ILRUN: variants seen among roughly 807,000 people sequenced by gnomAD.
The protein encoded by ILRUN is inflammation and lipid regulator with UBA-like and NBR1-like domains, also known as protein ILRUN.
Under a neutral mutation model 33.8 loss-of-function variants are expected in ILRUN, and 3 were observed. That is an observed-to-expected ratio of 0.09 (90% CI 0.04 to 0.23). ILRUN has a LOEUF of 0.23. Ranked by LOEUF, ILRUN falls within the 10% of genes least tolerant of loss-of-function variation. The probability of loss-of-function intolerance (pLI) is 1.00; values close to 1 mark genes in which losing one functional copy is unlikely to be tolerated. For missense variants in ILRUN, 210 were observed against 375.1 expected (o/e 0.56, Z 3.64); for synonymous variants, 124 against 138.9 (o/e 0.89, Z 0.75).
intron 4 of ILRUN, among the ~76,000 whole-genome samples, chr6:34,593,811 G>A (rs1256237186): frequency 6.6e-6 from 1 of 152,134 alleles, no homozygotes; most frequent in Non-Finnish European, 1.5e-5. Context: ...CCCACACACA[G>A]TATCATAGGT....
chr6:34,689,490 A>C (rs1204912300), intron 1 of ILRUN, among the ~76,000 whole-genome samples: 1 of 152,210 alleles, frequency 6.6e-6, no homozygotes, highest in East Asian at 1.9e-4. Flanking sequence ...ATACTCTATC[A>C]CTGTTATGTA....
At chr6:34,656,235 C>CAAAAA (rs562655955) in intron 1 of ILRUN, among the ~76,000 whole-genome samples, 2 of 61,814 alleles carry the variant, frequency 3.2e-5, no homozygotes, top group African/African-American at 5.6e-5. Context: ...GACTCCGTCT[C>CAAAAA]AAAAAAAAAA....
intron 1 of ILRUN, among the ~76,000 whole-genome samples, chr6:34,658,325 G>A (rs560809392): frequency 6.8e-6 from 1 of 147,156 alleles, no homozygotes; most frequent in African/African-American, 2.6e-5. Context: ...TCTGACCTAG[G>A]CAACAAAGTG....
chr6:34,637,083 A>T (rs1273935247), intron 3 of ILRUN, among the ~76,000 whole-genome samples: 1 of 152,184 alleles, frequency 6.6e-6, no homozygotes, highest in East Asian at 1.9e-4. Flanking sequence ...AAGGAAAGTA[A>T]TCATTAAACC....
intron 2 of ILRUN, among the ~76,000 whole-genome samples, chr6:34,650,922 TC>T (rs1674338958): frequency 6.6e-6 from 1 of 152,126 alleles, no homozygotes; most frequent in Non-Finnish European, 1.5e-5. Flanking sequence ...TGTAGCTCTT[TC>T]AGTGAGTGCT....
chr6:34,683,477 T>TATAC (rs1763437432), intron 1 of ILRUN, among the ~76,000 whole-genome samples: 1 of 102,224 alleles, frequency 9.8e-6, no homozygotes, highest in African/African-American at 4.9e-5. Context: ...TATATACACA[T>TATAC]ATATATATAC....
Position 34,606,608 on chromosome 6 carries a change from T to A in ILRUN, c.808A>T (p.Asn270Tyr). The A allele has an allele frequency of 6.2e-7, 1 of 1,614,182 alleles. No individual in the cohort carries two copies. The highest frequency in any genetic ancestry group is 8.5e-7 in the Non-Finnish European group (1 of 1,180,020). ...TTTGCGTGACTGCTGGGAGACAGAT[T>A]TACAGAGTTCTGTGACAGTCTATTC... The part of the protein sequence containing the change: ...DQNRLSQNSV[N>Y]LSPSSHANNL... Residue 270 changes from asparagine (N) to tyrosine (Y), a missense_variant, in exon 4 of 5, where the codon AAT becomes TAT. By Grantham distance (143) the Asn-to-Tyr change is moderately radical. Around this residue, in one of 4 missense-constraint regions of ILRUN, gnomAD observed 81 missense variants for 97.0 expected, o/e 0.84. Coordinates refer to ENST00000374023, the MANE Select transcript of ILRUN (RefSeq NM_024294.4).
chr6:34,601,209 A>G (rs1249995663), intron 4 of ILRUN, among the ~76,000 whole-genome samples: 1 of 152,200 alleles, frequency 6.6e-6, no homozygotes, highest in Non-Finnish European at 1.5e-5. Context: ...AATAACAAAA[A>G]TTAAATTTAA....
In ILRUN at chr6:34,606,744, T is replaced by C. The variant is rs777757738; in HGVS notation, c.672A>G (p.Glu224=). The change falls in exon 4 of 5, where the codon GAA becomes GAG. Residue 224 remains glutamate, a synonymous_variant. Coordinates refer to ENST00000374023, the MANE Select transcript of ILRUN (RefSeq NM_024294.4). ...AGCCCCCAGGGTCTTTTAAGTTGTT[T>C]TCATCTGATTGTCGGTTCTTTTGGG... ...ASPQKNRQSD[E]NNLKDPGGSE... 1.2e-6 allele frequency: 2 copies of C among 1,614,178 alleles called. No homozygotes were observed. Among genetic ancestry groups the C allele is most frequent in the Non-Finnish European group, 1.7e-6 (2 of 1,180,042 alleles).
At chr6:34,604,754 C>G (rs1409165260) in intron 4 of ILRUN, among the ~76,000 whole-genome samples, 2 of 152,218 alleles carry the variant, frequency 1.3e-5, no homozygotes, top group African/African-American at 2.4e-5. Flanking sequence ...GCAATTTACT[C>G]TCTTGCCAAT....
chr6:34,681,923 G>A (rs1763366273), intron 1 of ILRUN, among the ~76,000 whole-genome samples: 1 of 139,936 alleles, frequency 7.1e-6, no homozygotes, highest in Non-Finnish European at 1.5e-5. Context: ...TGCGACCTCA[G>A]CTCACTGCAA....
chr6:34,682,281 A>C (rs1218283014), intron 1 of ILRUN, among the ~76,000 whole-genome samples: 2 of 83,206 alleles, frequency 2.4e-5, no homozygotes, highest in Non-Finnish European at 4.2e-5. Flanking sequence ...TTTTTTTGAG[A>C]CAGTCTCGCT....
At chr6:34,671,510 TATAATATA>T in intron 1 of ILRUN, among the ~76,000 whole-genome samples, 1 of 152,256 alleles carries the variant, frequency 6.6e-6, no homozygotes, top group East Asian at 1.9e-4. Flanking sequence ...AAGTTATCTG[TATAATATA>T]TGTGGCAATA....
intron 1 of ILRUN, among the ~76,000 whole-genome samples, chr6:34,683,213 C>T (rs1377674015): frequency 2.0e-5 from 3 of 150,822 alleles, no homozygotes; most frequent in Non-Finnish European, 4.4e-5. Flanking sequence ...TATATATGAA[C>T]AGCCTATCCA....
intron 3 of ILRUN, among the ~76,000 whole-genome samples, chr6:34,609,817 C>G (rs1761710621): frequency 6.6e-6 from 1 of 152,114 alleles, no homozygotes; most frequent in Non-Finnish European, 1.5e-5. Context: ...AGCAGCAGCA[C>G]TAGTATGACT....
At chr6:34,598,850 T>A (rs555080508) in intron 4 of ILRUN, among the ~76,000 whole-genome samples, 1 of 152,250 alleles carries the variant, frequency 6.6e-6, no homozygotes, top group Non-Finnish European at 1.5e-5. Context: ...CTGCGAGGAC[T>A]TTACTGGCTC....
At chr6:34,661,390 G>A (rs1762883616) in intron 1 of ILRUN, among the ~76,000 whole-genome samples, 1 of 152,146 alleles carries the variant, frequency 6.6e-6, no homozygotes, top group African/African-American at 2.4e-5. Flanking sequence ...GTAGGCACAA[G>A]GCTATACACT....
chr6:34,619,985 CAAAA>C (rs1216649224), intron 3 of ILRUN, among the ~76,000 whole-genome samples: 1 of 75,920 alleles, frequency 1.3e-5, no homozygotes. Context: ...ACTCTGTCTC[CAAAA>C]AAAAAAAAAA....
At chr6:34,617,159 C>CA in intron 3 of ILRUN, 2 of 510,930 alleles carry the variant, frequency 3.9e-6, no homozygotes, top group South Asian at 2.9e-5. Context: ...TTATCTTCTG[C>CA]ATTAAGTGGA....
Sources: gnomAD v4.1 joint callset for allele counts (sites outside exome capture counted in the v4.1 genomes callset) on GRCh38, gnomAD v4.1.1 for gene constraint, gnomAD v4.1.1 regional missense constraint, MANE v1.5 for transcripts, NCBI Gene and HGNC (gene_info 2026-07-23, HGNC 2026-07-21) for gene names.